Variants in MEPE observed in about 807,000 individuals in gnomAD.
MEPE encodes the protein matrix extracellular phosphoglycoprotein, also known as matrix, extracellular phosphoglycoprotein with ASARM motif (bone).
In MEPE, 7 loss-of-function variants were observed where a neutral mutation model predicts 7.3. That is an observed-to-expected ratio of 0.95 (90% confidence interval 0.54 to 1.79). The LOEUF (loss-of-function observed/expected upper bound fraction) is 1.79. Among genes scored for constraint, MEPE ranks in the 40% most tolerant of loss-of-function variants. The probability of loss-of-function intolerance (pLI) is 0.00; values close to 1 mark genes in which losing one functional copy is unlikely to be tolerated. For missense variants in MEPE, 623 were observed against 628.2 expected (o/e 0.99, Z 0.09); for synonymous variants, 214 against 213.1 (o/e 1.00, Z -0.04).
chr4:87,825,575 C>A (rs1722443985), intron 1 of MEPE, among the ~76,000 whole-genome samples: 1 of 152,218 alleles, frequency 6.6e-6, no homozygotes, highest in Non-Finnish European at 1.5e-5. Context: ...TGGAGAGTAA[C>A]TGTGCAACAG....
intron 1 of MEPE, among the ~76,000 whole-genome samples, chr4:87,822,818 T>A (rs1722368924): frequency 6.6e-6 from 1 of 152,050 alleles, no homozygotes; most frequent in Non-Finnish European, 1.5e-5. Flanking sequence ...GGTAGGGAGG[T>A]GGGTGGGAAC....
At chr4:87,834,578 A>T in intron 1 of MEPE, 125 bp from the exon 2 acceptor site, 1 of 682,776 alleles carries the variant, frequency 1.5e-6, no homozygotes, top group Admixed American at 2.9e-5. Flanking sequence ...ACACACACAT[A>T]CACAAAAGGA....
intron 1 of MEPE, among the ~76,000 whole-genome samples, chr4:87,833,945 T>C (rs1295752370): frequency 6.6e-6 from 1 of 152,212 alleles, no homozygotes; most frequent in Non-Finnish European, 1.5e-5. Flanking sequence ...TAGAGCCACA[T>C]TGCCTGGATA....
chr4:87,839,133 C>T (rs753074413), intron 3 of MEPE, among the ~76,000 whole-genome samples: 3 of 152,156 alleles, frequency 2.0e-5, no homozygotes, highest in Non-Finnish European at 4.4e-5. Context: ...CCATATGCAT[C>T]CAGTTAAATG....
intron 1 of MEPE, among the ~76,000 whole-genome samples, chr4:87,823,722 T>C (rs1383450293): frequency 6.6e-6 from 1 of 152,160 alleles, no homozygotes; most frequent in Non-Finnish European, 1.5e-5. Flanking sequence ...GAACAAATAG[T>C]GGAAGTGTGA....
At position 87,846,310 on chromosome 4, in the gene MEPE, G is replaced by T. The variant is rs138152179; in HGVS notation, c.1442G>T (p.Arg481Leu). The T allele has an allele frequency of 6.2e-7, 1 of 1,614,016 alleles. No homozygotes were observed. Among genetic ancestry groups the T allele is most frequent in the East Asian group, 2.2e-5 (1 of 44,880 alleles). The change falls in exon 4 of 4, where the codon CGG (arginine) becomes CTG (leucine). Residue 481 changes from arginine to leucine, a missense_variant. By Grantham distance (102) the Arg-to-Leu change is moderately radical. Coordinates refer to ENST00000361056, the MANE Select transcript of MEPE (RefSeq NM_020203.6). ...CCCCACAGACAAAATAATTCTACACGGAATAAGGGTATGCCACAAGGGAAA... is the reference window on the plus strand; with the variant it reads ...CCCCACAGACAAAATAATTCTACACTGAATAAGGGTATGCCACAAGGGAAA... ...YVPHRQNNST[R>L]NKGMPQGKGS...
intron 3 of MEPE, among the ~76,000 whole-genome samples, chr4:87,844,393 A>C (rs2110011663): frequency 6.6e-6 from 1 of 152,268 alleles, no homozygotes; most frequent in South Asian, 2.1e-4. Context: ...ATATAGATAT[A>C]AATACTTTAC....
chr4:87,833,163 A>G (rs1384553445), intron 1 of MEPE, 149 bp downstream of exon 1: 1 of 152,200 alleles, frequency 6.6e-6, no homozygotes, highest in African/African-American at 2.4e-5. Context: ...GCTTTGTTTT[A>G]TAAAATAGGA....
chr4:87,823,986 A>G (rs968218965), intron 1 of MEPE, among the ~76,000 whole-genome samples: 1 of 152,168 alleles, frequency 6.6e-6, no homozygotes, highest in African/African-American at 2.4e-5. Flanking sequence ...TCTCATGCAA[A>G]TTACATTCTG....
At position 87,846,040 on chromosome 4, in the gene MEPE, C is replaced by T. The variant is rs766650468; in HGVS notation, c.1172C>T (p.Ala391Val). ...EKRKEGSSDA[A>V]ESTNYNEIPK... ...AGAAAAGAAGGCAGTAGTGATGCAG[C>T]TGAAAGTACCAACTATAATGAAATT... The change falls in exon 4 of 4, where the codon GCT becomes GTT. Residue 391 changes from alanine (A) to valine (V), a missense_variant. Physicochemically the swap from Ala to Val is moderately conservative, Grantham distance 64 (BLOSUM62 0). Transcript: ENST00000361056. 1 of 1,613,994 alleles carries T rather than the reference C, an allele frequency of 6.2e-7. No individual in the cohort carries two copies.
chr4:87,843,279 A>G (rs1313488339), intron 3 of MEPE, among the ~76,000 whole-genome samples: 2 of 152,092 alleles, frequency 1.3e-5, no homozygotes, highest in Non-Finnish European at 2.9e-5. Flanking sequence ...TTCATACTCT[A>G]CAAAATAAAA....
At chr4:87,824,735 T>TGTTG (rs1247697214) in intron 1 of MEPE, among the ~76,000 whole-genome samples, 3 of 152,272 alleles carry the variant, frequency 2.0e-5, no homozygotes, top group Admixed American at 2.0e-4. Context: ...TTTGTTTGTT[T>TGTTG]TCAATTTGAA....
upstream of MEPE, among the ~76,000 whole-genome samples, chr4:87,829,375 ACT>A (rs34054177): frequency 0.24 from 35,695 of 151,700 alleles, 4,478 homozygotes; most frequent in Non-Finnish European, 0.27. Flanking sequence ...TTCTCTTAAA[ACT>A]CTATAAATTT....
chr4:87,824,761 T>G (rs913424333), intron 1 of MEPE, among the ~76,000 whole-genome samples: 3 of 152,258 alleles, frequency 2.0e-5, no homozygotes, highest in Admixed American at 6.5e-5. Flanking sequence ...GTCCTTTGCT[T>G]CAAACTTTGT....
intron 3 of MEPE, chr4:87,839,735 T>C (rs1722941016): frequency 1.3e-6 from 2 of 1,550,316 alleles, no homozygotes; most frequent in African/African-American, 1.4e-5. Context: ...TTTTTAAGTG[T>C]GTTTACATGT....
At chr4:87,833,225 C>A (rs886823476) in intron 1 of MEPE, among the ~76,000 whole-genome samples, 2 of 152,050 alleles carry the variant, frequency 1.3e-5, no homozygotes, top group African/African-American at 4.8e-5. Context: ...GATTTGATAG[C>A]AACTTTCTCT....
At position 87,838,492 on chromosome 4, in the gene MEPE, C is replaced by T. The variant is rs146851774; in HGVS notation, c.55-140C>T. The stretch of plus-strand genomic sequence containing the variant: ...TATTATATTAATGCGATGAGTGTGT[C>T]AATCTTCTTTTGGTTAGAATGATTT... On this transcript the variant is annotated intron_variant, in intron 2 of 3. Coordinates refer to ENST00000361056, the MANE Select transcript of MEPE (RefSeq NM_020203.6). 3,220 of 708,212 alleles carry T rather than the reference C, an allele frequency of 4.5e-3. 42 individuals are homozygous for T. The highest frequency in any genetic ancestry group is 0.024 in the South Asian group (1,255 of 52,228). 43.9% of individuals were successfully genotyped at this position (708,212 alleles called of 1,614,324 possible). A position where few individuals can be genotyped will look rare whatever the true frequency, so the allele number is the denominator to read the frequency against.
upstream of MEPE, among the ~76,000 whole-genome samples, chr4:87,830,074 A>G (rs1209768819): frequency 6.6e-6 from 1 of 152,132 alleles, no homozygotes; most frequent in Non-Finnish European, 1.5e-5. Flanking sequence ...TTCCACTGTC[A>G]ATGACAATAT....
intron 3 of MEPE, chr4:87,839,973 C>A: frequency 6.5e-7 from 1 of 1,535,518 alleles, no homozygotes; most frequent in Non-Finnish European, 8.7e-7. Context: ...CAGAATCTTC[C>A]TGATCCCCAT....
Sources: gnomAD v4.1 joint callset for allele counts (sites outside exome capture counted in the v4.1 genomes callset) on GRCh38, gnomAD v4.1.1 for gene constraint, MANE v1.5 for transcripts, NCBI Gene and HGNC (gene_info 2026-07-23, HGNC 2026-07-21) for gene names.